The following TNRC6B variants were observed in gnomAD, a reference collection of about 807,000 sequenced individuals.
TNRC6B encodes trinucleotide repeat-containing gene 6B protein.
TNRC6B carries 52 observed loss-of-function variants against 203.6 expected under a neutral mutation model. That is an observed-to-expected ratio of 0.26 (90% CI 0.20 to 0.32). The LOEUF (loss-of-function observed/expected upper bound fraction) is 0.32, where lower values mean the gene tolerates loss of function less well. Ranked by LOEUF, TNRC6B falls within the 10% of genes least tolerant of loss-of-function variation. TNRC6B has a pLI of 1.00. For synonymous variants in TNRC6B, 838 were observed against 845.7 expected, an observed-to-expected ratio of 0.99 and a Z score of 0.16; for missense variants, 1,923 against 2,286.2, an observed-to-expected ratio of 0.84 and a Z score of 3.24.
chr22:40,264,848 A>T lies in TNRC6B; in HGVS notation c.618A>T (p.Lys206Asn). 1 of 1,613,946 alleles carries T rather than the reference A, an allele frequency of 6.2e-7. No homozygotes were observed. ...AAGAGTGGCCTTGTATTGCCAGCAA[A>T]GACACTGAATCTTCTTCCGAAAACA... is the stretch of plus-strand genomic sequence containing the variant. Reference protein sequence around the residue: ...DMEEWPCIASKDTESSSENTT... With the variant: ...DMEEWPCIASNDTESSSENTT... The change falls in exon 5 of 23, where the codon AAA becomes AAT. Residue 206 changes from lysine (K) to asparagine (N), a missense_variant. By Grantham distance (94) the Lys-to-Asn change is moderately conservative. This residue lies in a region of TNRC6B where 614 missense variants were observed against 587.7 expected (regional missense o/e 1.04). Transcript: ENST00000454349.
In TNRC6B at chr22:40,268,892, G is replaced by A. The variant is rs764466776; in HGVS notation, c.2807-1230G>A. Among the ~76,000 whole-genome samples, 313 of 151,198 alleles carry A rather than the reference G, an allele frequency of 2.1e-3. 1 individual carries two copies. The highest frequency in any genetic ancestry group is 3.1e-3 in the Non-Finnish European group (209 of 67,898). ...CACGCCACTGCACTCCAGCCTGGGC[G>A]ACAGAGCAAGACTCCGTCTCAAAAA... On this transcript the variant is annotated intron_variant, in intron 5 of 22. Coordinates refer to ENST00000454349, the MANE Select transcript of TNRC6B (RefSeq NM_001162501.2).
chr22:40,127,166 C>T (rs1344070748), intron 3 of TNRC6B, among the ~76,000 whole-genome samples: 1 of 151,984 alleles, frequency 6.6e-6, no homozygotes, highest in Non-Finnish European at 1.5e-5. Context: ...ATTACTTTTA[C>T]TTCCCTCTCT....
At chr22:40,076,474 A>C (rs1018951250) in intron 1 of TNRC6B, among the ~76,000 whole-genome samples, 2 of 152,070 alleles carry the variant, frequency 1.3e-5, no homozygotes, top group Non-Finnish European at 1.5e-5. Context: ...TTTGAAGGCT[A>C]TTTTTGCTGG....
chr22:40,266,997 C>T lies in TNRC6B; in HGVS notation c.2767C>T (p.Pro923Ser). 6.2e-7 allele frequency: 1 copy of T among 1,609,690 alleles called. No homozygotes were observed. The highest frequency in any genetic ancestry group is 8.5e-7 in the Non-Finnish European group (1 of 1,177,794). The change falls in exon 5 of 23, where the codon CCA (proline) becomes TCA (serine). Residue 923 changes from proline to serine, a missense_variant. Physicochemically the swap from Pro to Ser is moderately conservative, Grantham distance 74. Transcript: ENST00000454349. Reference protein sequence around the residue: ...NSQGGPAPREPNLPTPMTSKS... With the variant: ...NSQGGPAPRESNLPTPMTSKS... ...CCAAGGGGGCCCAGCACCTCGAGAA[C>T]CAAACCTGCCCACCCCAATGACCAG...
chr22:40,327,590 C>G lies in TNRC6B; in HGVS notation c.*4349C>G, dbSNP rs1272648824. 6.6e-6 allele frequency: 1 copy of G among 152,412 alleles called. No individual in the cohort carries two copies. The highest frequency in any genetic ancestry group is 2.4e-5 in the African/African-American group (1 of 41,406). 9.4% of individuals were successfully genotyped at this position (152,412 alleles called of 1,614,324 possible). A position where few individuals can be genotyped will look rare whatever the true frequency, so the allele number is the denominator to read the frequency against. On this transcript the variant is annotated 3_prime_UTR_variant, in exon 23 of 23. Coordinates refer to ENST00000454349, the MANE Select transcript of TNRC6B (RefSeq NM_001162501.2). ...CTTCTTTTTGTCAACTTGCTGGGAG[C>G]TTTGCTTTATTGGTTGGCAGTGACC...
chr22:40,107,131 C>A, intron 1 of TNRC6B: 1 of 596,602 alleles, frequency 1.7e-6, no homozygotes, highest in South Asian at 2.1e-5. Flanking sequence ...TTCATGTAGT[C>A]ATGTTTGTCA....
Position 40,058,764 on chromosome 22 carries a change from T to G in TNRC6B, c.-121+13766T>G, listed in dbSNP as rs553947280. 2.6e-5 allele frequency among the ~76,000 whole-genome samples: 4 copies of G among 152,320 alleles called. No individual in the cohort carries two copies. In the South Asian group the frequency reaches 8.3e-4, roughly 32 times the overall value. On this transcript the variant is annotated intron_variant, in intron 1 of 23. Transcript: ENST00000301923. ...GCCCAGTACTTGAATCTTGAAATTC[T>G]GACACATTGAATCTGGAAACATTGC...
At chr22:40,123,308 T>G (rs2146322435) in intron 2 of TNRC6B, among the ~76,000 whole-genome samples, 1 of 152,106 alleles carries the variant, frequency 6.6e-6, no homozygotes, top group East Asian at 1.9e-4. Flanking sequence ...GCAGTGATTG[T>G]CAGAGAAGGA....
chr22:40,136,461 T>A (rs1050520485), intron 3 of TNRC6B, among the ~76,000 whole-genome samples: 3 of 151,216 alleles, frequency 2.0e-5, no homozygotes, highest in African/African-American at 7.3e-5. Context: ...TATAGTAGCC[T>A]GAACACAGCT....
In TNRC6B at chr22:40,300,446, T is replaced by G; in HGVS notation, c.3709-9T>G. Reference sequence around the variant, plus strand: ...TTTTCTTTTCTTTCTTTTTTATTTTTTTGGCTAGGTTTCTGCCTCAATGCT... The same window carrying G: ...TTTTCTTTTCTTTCTTTTTTATTTTGTTGGCTAGGTTTCTGCCTCAATGCT... On this transcript the variant is annotated splice_polypyrimidine_tract_variant and intron_variant, in intron 12 of 22. Transcript: ENST00000454349. The G allele has an allele frequency of 6.5e-7, 1 of 1,541,462 alleles. No individual in the cohort carries two copies. The highest frequency in any genetic ancestry group is 8.7e-7 in the Non-Finnish European group (1 of 1,152,128).
At chr22:40,091,372 A>G (rs2068149511) in intron 1 of TNRC6B, among the ~76,000 whole-genome samples, 1 of 152,332 alleles carries the variant, frequency 6.6e-6, no homozygotes, top group Admixed American at 6.5e-5. Flanking sequence ...TAAGAATTAC[A>G]GAGGACAGAG....
At chr22:40,110,666 G>A (rs1225881992) in intron 1 of TNRC6B, among the ~76,000 whole-genome samples, 1 of 152,202 alleles carries the variant, frequency 6.6e-6, no homozygotes, top group African/African-American at 2.4e-5. Context: ...GACTGAGTTT[G>A]TTTTTCTTAG....
intron 3 of TNRC6B, among the ~76,000 whole-genome samples, chr22:40,255,350 C>T (rs577265810): frequency 2.5e-4 from 38 of 152,334 alleles, no homozygotes; most frequent in Admixed American, 7.2e-4. Flanking sequence ...TATGGGCCAT[C>T]GCAGGACGTT....
intron 3 of TNRC6B, among the ~76,000 whole-genome samples, chr22:40,126,879 C>T (rs2068498602): frequency 6.6e-6 from 1 of 151,458 alleles, no homozygotes; most frequent in Non-Finnish European, 1.5e-5. Context: ...GCATGAGCCA[C>T]CATGCCTGGA....
chr22:40,083,374 G>A (rs2068076133), intron 1 of TNRC6B, among the ~76,000 whole-genome samples: 1 of 152,168 alleles, frequency 6.6e-6, no homozygotes. Context: ...ACTATTCATT[G>A]GATTGGCAGC....
At chr22:40,105,398 C>G (rs764105082) in intron 1 of TNRC6B, among the ~76,000 whole-genome samples, 6 of 152,144 alleles carry the variant, frequency 3.9e-5, no homozygotes, top group Non-Finnish European at 8.8e-5. Flanking sequence ...TATAGCGGCC[C>G]AACAGCCCCT....
intron 1 of TNRC6B, among the ~76,000 whole-genome samples, chr22:40,116,371 G>A (rs952889586): frequency 2.0e-5 from 3 of 152,092 alleles, no homozygotes; most frequent in African/African-American, 7.2e-5. Flanking sequence ...TGAAGTTGCT[G>A]GCCATTTAAT....
At chr22:40,083,550 T>G (rs2068077882) in intron 1 of TNRC6B, among the ~76,000 whole-genome samples, 1 of 151,954 alleles carries the variant, frequency 6.6e-6, no homozygotes, top group Admixed American at 6.6e-5. Context: ...TGATACAGAG[T>G]CAAAGAATAA....
At chr22:40,259,845 C>G (rs927808765) in intron 3 of TNRC6B, among the ~76,000 whole-genome samples, 1 of 152,220 alleles carries the variant, frequency 6.6e-6, no homozygotes, top group African/African-American at 2.4e-5. Context: ...AGAGTTGGCC[C>G]TGACGTTACC....
Sources: allele counts gnomAD v4.1 joint callset (sites outside exome capture counted in the v4.1 genomes callset), GRCh38; gene constraint gnomAD v4.1.1; regional missense constraint gnomAD v4.1.1; transcripts MANE v1.5; gene names NCBI Gene and HGNC (gene_info 2026-07-23, HGNC 2026-07-21).